The following MYOF variants were observed in gnomAD, a reference collection of about 807,000 sequenced individuals.
MYOF encodes myoferlin, also known as fer-1-like 3, myoferlin.
A neutral mutation model predicts 284.2 loss-of-function variants in MYOF; 244 were observed. The observed-to-expected ratio is 0.86, with a 90% confidence interval of 0.77 to 0.95. MYOF has a LOEUF of 0.95. Among genes scored for constraint, MYOF ranks in the 40% least tolerant of loss-of-function variants. The pLI, the probability that MYOF is intolerant of heterozygous loss-of-function variation, is 0.00. For synonymous variants in MYOF, 904 were observed against 919.7 expected (o/e 0.98, Z 0.31); for missense variants, 2,496 against 2,560.6 (o/e 0.97, Z 0.54).
chr10:93,465,545 T>C (rs979427932), intron 1 of MYOF, among the ~76,000 whole-genome samples: 1 of 140,400 alleles, frequency 7.1e-6, no homozygotes. Flanking sequence ...TTTCTTTTTT[T>C]TTTTTTTTGA....
At chr10:93,438,988 C>A (rs1222360046) in intron 3 of MYOF, among the ~76,000 whole-genome samples, 3 of 152,184 alleles carry the variant, frequency 2.0e-5, no homozygotes, top group Non-Finnish European at 4.4e-5. Flanking sequence ...CACTGATCCT[C>A]AACCGTGATT....
At chr10:93,466,576 C>T (rs2057012831) in intron 1 of MYOF, among the ~76,000 whole-genome samples, 1 of 152,244 alleles carries the variant, frequency 6.6e-6, no homozygotes, top group African/African-American at 2.4e-5. Flanking sequence ...GCTCTGCTCA[C>T]TGCCAGGGCT....
chr10:93,436,984 G>C (rs1849153072), intron 3 of MYOF, among the ~76,000 whole-genome samples: 1 of 152,212 alleles, frequency 6.6e-6, no homozygotes, highest in Admixed American at 6.5e-5. Context: ...AAATTTTTTA[G>C]TGAAAGAATC....
intron 38 of MYOF, among the ~76,000 whole-genome samples, chr10:93,341,552 C>T (rs1843914531): frequency 6.6e-6 from 1 of 152,228 alleles, no homozygotes; most frequent in African/African-American, 2.4e-5. Context: ...GCTGGGATTA[C>T]AGGCGTAAGC....
intron 29 of MYOF, 84 bp from the exon 30 acceptor site, chr10:93,356,932 AAC>A: frequency 2.3e-5 from 31 of 1,330,110 alleles, no homozygotes; most frequent in Middle Eastern, 5.4e-4. Flanking sequence ...ATGATCAATC[AAC>A]AGATACACAG....
chr10:93,375,712 T>C (rs1488209978), intron 22 of MYOF, among the ~76,000 whole-genome samples: 3 of 152,240 alleles, frequency 2.0e-5, no homozygotes, highest in Non-Finnish European at 4.4e-5. Flanking sequence ...CATCATCTCG[T>C]TGTCATCTTT....
At chr10:93,311,482 A>G (rs1211660067) in intron 51 of MYOF, among the ~76,000 whole-genome samples, 7 of 150,812 alleles carry the variant, frequency 4.6e-5, no homozygotes, top group South Asian at 2.1e-4. Flanking sequence ...ATTAGCCAGC[A>G]TGGTGGCGTG....
In MYOF at chr10:93,373,099, T is replaced by C. The variant is rs752895640; in HGVS notation, c.2302-14A>G. On this transcript the variant is annotated splice_polypyrimidine_tract_variant and intron_variant, in intron 23 of 53. Transcript: ENST00000359263. ...GCTGTTCTGTGGCTGGTCATGAGGA[T>C]TGGATGGAAGAGGAAGCACAGCCAT... 15 of 1,613,832 alleles carry C rather than the reference T, an allele frequency of 9.3e-6. No homozygotes were observed. In the East Asian group the frequency reaches 2.0e-4, roughly 22 times the overall value.
rs1285840629 is a variant in MYOF at position 93,397,238 on chromosome 10, T to C, written c.1334+9A>G. On this transcript the variant is annotated intron_variant, in intron 15 of 53. Coordinates refer to ENST00000359263, the MANE Select transcript of MYOF (RefSeq NM_013451.4). ...TGTTGAATTAGACACATACGTATTT[T>C]CAACTCACCAGTCATATATTGTTAG... The C allele has an allele frequency of 1.3e-6, 2 of 1,569,890 alleles. No homozygotes were observed. Among genetic ancestry groups the C allele is most frequent in the Non-Finnish European group, 1.7e-6 (2 of 1,144,940 alleles).
intron 5 of MYOF, among the ~76,000 whole-genome samples, chr10:93,413,849 C>T (rs151204470): frequency 9.9e-4 from 151 of 151,890 alleles, no homozygotes; most frequent in African/African-American, 3.4e-3. Flanking sequence ...AAAAACTAGC[C>T]GGGTGTGGTG....
intron 3 of MYOF, among the ~76,000 whole-genome samples, chr10:93,437,400 C>T (rs766825820): frequency 1.3e-5 from 2 of 152,060 alleles, no homozygotes; most frequent in Non-Finnish European, 2.9e-5. Flanking sequence ...AGGGCTTTGC[C>T]GGCTGACTCT....
chr10:93,462,916 C>G (rs558574761), intron 1 of MYOF, among the ~76,000 whole-genome samples: 2 of 152,254 alleles, frequency 1.3e-5, no homozygotes, highest in African/African-American at 2.4e-5. Context: ...TACCTACCCC[C>G]CAACCTGGCT....
At chr10:93,449,066 C>T (rs1348907754) in intron 3 of MYOF, among the ~76,000 whole-genome samples, 1 of 151,970 alleles carries the variant, frequency 6.6e-6, no homozygotes, top group Non-Finnish European at 1.5e-5. Context: ...ACCATCCTGT[C>T]CAATATGGTG....
chr10:93,388,658 T>G (rs1405244711), intron 18 of MYOF, among the ~76,000 whole-genome samples: 2 of 152,224 alleles, frequency 1.3e-5, no homozygotes, highest in Admixed American at 1.3e-4. Context: ...CTTCCATGTC[T>G]TCATCTATGA....
intron 50 of MYOF, among the ~76,000 whole-genome samples, chr10:93,316,318 AG>A (rs776744903): frequency 2.6e-5 from 4 of 151,796 alleles, no homozygotes; most frequent in East Asian, 3.9e-4. Context: ...GAATGGGCCT[AG>A]GGACAGGAGA....
chr10:93,359,852 G>T lies in MYOF; in HGVS notation c.3101C>A (p.Thr1034Asn), dbSNP rs1308479062. Residue 1034 changes from threonine to asparagine, a missense_variant, in exon 29 of 54, where the codon ACT becomes AAT. Transcript: ENST00000359263. Reference sequence around the variant, plus strand: ...TCTTACCCTTGCGGTGCTTGAAGCAGTCTGTGTTAAATCTTTCTTGCGTTT... The same window carrying T: ...TCTTACCCTTGCGGTGCTTGAAGCATTCTGTGTTAAATCTTTCTTGCGTTT... Reference protein sequence around the residue: ...VRKRKKDLTQTASSTARAMEE... With the variant: ...VRKRKKDLTQNASSTARAMEE... 1 of 1,614,214 alleles carries T rather than the reference G, an allele frequency of 6.2e-7. No homozygotes were observed.
intron 17 of MYOF, among the ~76,000 whole-genome samples, chr10:93,391,945 G>A (rs1305243877): frequency 6.6e-6 from 1 of 152,138 alleles, no homozygotes; most frequent in Non-Finnish European, 1.5e-5. Flanking sequence ...TTTTCAGGGG[G>A]AGTGGCAGGA....
Position 93,357,117 on chromosome 10 carries a change from A to G in MYOF, c.3121-269T>C, listed in dbSNP as rs983730699. The stretch of plus-strand genomic sequence containing the variant: ...CCCTCAGGAGGTGCACCTCATTCAG[A>G]TTTGGGGGTGGGTGAAGCAAGTGGA... On this transcript the variant is annotated intron_variant, in intron 29 of 53. Transcript: ENST00000359263. Among the ~76,000 whole-genome samples the G allele has an allele frequency of 2.0e-5, 3 of 152,228 alleles. No individual in the cohort carries two copies. In the South Asian group the frequency reaches 6.2e-4, roughly 32 times the overall value.
At chr10:93,364,939 G>A (rs1845259320) in intron 26 of MYOF, among the ~76,000 whole-genome samples, 1 of 152,310 alleles carries the variant, frequency 6.6e-6, no homozygotes, top group East Asian at 1.9e-4. Flanking sequence ...AGCCCTGGCT[G>A]CTGCCTGTAG....
Sources: allele counts gnomAD v4.1 joint callset (sites outside exome capture counted in the v4.1 genomes callset), GRCh38; gene constraint gnomAD v4.1.1; transcripts MANE v1.5; gene names NCBI Gene and HGNC (gene_info 2026-07-23, HGNC 2026-07-21).